Variants in PPP1R1C observed in about 807,000 individuals in gnomAD.
PPP1R1C encodes the protein protein phosphatase 1 regulatory subunit 1C.
Under a neutral mutation model 17.4 loss-of-function variants are expected in PPP1R1C, and 15 were observed. The observed-to-expected ratio is 0.86, with a 90% CI of 0.58 to 1.33. PPP1R1C has a LOEUF of 1.33. Ranked by LOEUF, PPP1R1C falls within the 40% of genes most tolerant of loss-of-function variation. The pLI, the probability that PPP1R1C is intolerant of heterozygous loss-of-function variation, is 0.00. For missense variants in PPP1R1C, 143 were observed against 130.0 expected (o/e 1.10, Z -0.48); for synonymous variants, 35 against 43.1 (o/e 0.81, Z 0.73).
chr2:181,978,532 G>T (rs1475229159), intron 2 of PPP1R1C, among the ~76,000 whole-genome samples: 1 of 152,224 alleles, frequency 6.6e-6, no homozygotes, highest in Non-Finnish European at 1.5e-5. Context: ...GTCAGGCTCA[G>T]TTGAGGGTGC....
rs565989875 is a variant in PPP1R1C, at chr2:182,077,894, A to G, written c.241+14103A>G. Among the ~76,000 whole-genome samples the G allele has an allele frequency of 4.6e-5, 7 of 152,278 alleles. No individual in the cohort carries two copies. The South Asian group carries it at 1.2e-3, about 27-fold the overall frequency. ...TAGAAAATAATGTTTAAGAAGTGGA[A>G]CCCTTGCCGGGCGTGGTGGCTCACG... is the stretch of plus-strand genomic sequence containing the variant. On this transcript the variant is annotated intron_variant, in intron 4 of 4. Transcript: ENST00000682840.
At chr2:182,036,087 C>A (rs1296512742) in intron 2 of PPP1R1C, among the ~76,000 whole-genome samples, 1 of 152,122 alleles carries the variant, frequency 6.6e-6, no homozygotes, top group Non-Finnish European at 1.5e-5. Flanking sequence ...GTCCTTTCAA[C>A]AAAGTGAGTT....
At chr2:182,031,280 G>A (rs1216234105) in intron 2 of PPP1R1C, among the ~76,000 whole-genome samples, 1 of 152,174 alleles carries the variant, frequency 6.6e-6, no homozygotes, top group Non-Finnish European at 1.5e-5. Context: ...GAATTATCTG[G>A]CATAAGATTC....
intron 4 of PPP1R1C, among the ~76,000 whole-genome samples, chr2:182,102,188 G>A (rs1219722015): frequency 6.6e-6 from 1 of 152,140 alleles, no homozygotes; most frequent in Non-Finnish European, 1.5e-5. Context: ...AGTTTTATGA[G>A]AGACATGGAA....
intron 1 of PPP1R1C, among the ~76,000 whole-genome samples, chr2:181,969,165 T>C (rs531769836): frequency 6.6e-6 from 1 of 152,314 alleles, no homozygotes; most frequent in African/African-American, 2.4e-5. Flanking sequence ...ATTATAATAT[T>C]CTGTTTTTCT....
intron 2 of PPP1R1C, among the ~76,000 whole-genome samples, chr2:182,012,348 T>C (rs556756062): frequency 1.6e-4 from 25 of 152,206 alleles, no homozygotes; most frequent in African/African-American, 6.0e-4. Flanking sequence ...CCCTTCATCA[T>C]TGTATAATGA....
At chr2:182,033,629 T>G (rs1686911846) in intron 2 of PPP1R1C, among the ~76,000 whole-genome samples, 1 of 152,164 alleles carries the variant, frequency 6.6e-6, no homozygotes, top group Non-Finnish European at 1.5e-5. Flanking sequence ...ATCTCCATTC[T>G]TTTACGATAA....
intron 4 of PPP1R1C, among the ~76,000 whole-genome samples, chr2:182,064,761 A>G (rs2125199412): frequency 6.6e-6 from 1 of 151,342 alleles, no homozygotes; most frequent in African/African-American, 2.4e-5. Flanking sequence ...ATTGTAGTTT[A>G]TTCCAGGGTA....
intron 4 of PPP1R1C, among the ~76,000 whole-genome samples, chr2:182,077,485 A>G (rs534840122): frequency 5.3e-5 from 8 of 152,354 alleles, no homozygotes; most frequent in Non-Finnish European, 8.8e-5. Flanking sequence ...GCCAAACCAA[A>G]GAATTCTTTG....
At chr2:181,994,237 T>G (rs1439750980) in intron 2 of PPP1R1C, among the ~76,000 whole-genome samples, 1 of 152,128 alleles carries the variant, frequency 6.6e-6, no homozygotes, top group African/African-American at 2.4e-5. Context: ...TGCAAATAAT[T>G]GACATATTTG....
chr2:181,987,802 T>TA (rs769541040), intron 1 of PPP1R1C, 37 bp from the exon 2 acceptor site: 2 of 1,609,156 alleles, frequency 1.2e-6, no homozygotes, highest in African/African-American at 2.7e-5. Flanking sequence ...CAGTGTCTAA[T>TA]ACTCACTGAT....
chr2:182,102,239 A>G (rs1689116376), intron 4 of PPP1R1C, among the ~76,000 whole-genome samples: 1 of 152,132 alleles, frequency 6.6e-6, no homozygotes, highest in Admixed American at 6.5e-5. Context: ...CTATATATGA[A>G]CTCACCTGGA....
rs1309194458 is a variant in PPP1R1C, at chr2:181,993,838, TAGTGACA to T, written c.142+5942_142+5948del. Among the ~76,000 whole-genome samples, 4 of 152,084 alleles carry T rather than the reference TAGTGACA, an allele frequency of 2.6e-5. No individual in the cohort carries two copies. The South Asian group carries it at 8.3e-4, about 32-fold the overall frequency. The stretch of plus-strand genomic sequence containing the variant: ...CCAAAGATGAGGTTCCAGTTCTTGA[TAGTGACA>T]AGGCTTGCTACATTGTAAGTTTTCA... On this transcript the variant is annotated intron_variant, in intron 2 of 4. Transcript: ENST00000682840.
chr2:182,077,253 A>G (rs1179879117), intron 4 of PPP1R1C, among the ~76,000 whole-genome samples: 2 of 149,750 alleles, frequency 1.3e-5, no homozygotes, highest in South Asian at 2.1e-4. Context: ...AAAATGTCAT[A>G]AACTTACTTT....
At chr2:182,006,094 A>G (rs564778853) in intron 2 of PPP1R1C, among the ~76,000 whole-genome samples, 2 of 152,130 alleles carry the variant, frequency 1.3e-5, no homozygotes, top group East Asian at 1.9e-4. Flanking sequence ...TGCATTTGTT[A>G]TTTATGTTTG....
At chr2:182,041,303 C>A (rs1189689019) in intron 2 of PPP1R1C, among the ~76,000 whole-genome samples, 1 of 152,104 alleles carries the variant, frequency 6.6e-6, no homozygotes, top group Non-Finnish European at 1.5e-5. Context: ...TTATGAAGCA[C>A]TTCTCTTACT....
At chr2:182,083,514 A>G (rs1398505270) in intron 4 of PPP1R1C, among the ~76,000 whole-genome samples, 1 of 152,172 alleles carries the variant, frequency 6.6e-6, no homozygotes, top group Non-Finnish European at 1.5e-5. Context: ...AACATATGGT[A>G]TTTGGCTTCC....
At chr2:182,047,115 C>A (rs1030500850) in intron 2 of PPP1R1C, among the ~76,000 whole-genome samples, 1 of 152,118 alleles carries the variant, frequency 6.6e-6, no homozygotes, top group Non-Finnish European at 1.5e-5. Flanking sequence ...AAATTGTTAA[C>A]GTTTGAATAA....
intron 4 of PPP1R1C, among the ~76,000 whole-genome samples, chr2:182,071,580 G>A (rs1245578963): frequency 2.6e-5 from 4 of 152,166 alleles, no homozygotes; most frequent in African/African-American, 7.2e-5. Context: ...GGAAGTCACT[G>A]TGTGTAGTAC....
Sources: gnomAD v4.1 joint callset for allele counts (sites outside exome capture counted in the v4.1 genomes callset) on GRCh38, gnomAD v4.1.1 for gene constraint, MANE v1.5 for transcripts, NCBI Gene and HGNC (gene_info 2026-07-23, HGNC 2026-07-21) for gene names.